The following EPG5 variants were observed in gnomAD, a reference collection of about 807,000 sequenced individuals.
EPG5 encodes the protein ectopic P-granules 5 autophagy tethering factor.
A neutral mutation model predicts 302.7 loss-of-function variants in EPG5; 159 were observed. The ratio of observed to expected loss-of-function variants is 0.53; its 90% CI spans 0.46 to 0.60. The LOEUF (loss-of-function observed/expected upper bound fraction) is 0.60, where lower values mean the gene tolerates loss of function less well. Among genes scored for constraint, EPG5 ranks in the 20% least tolerant of loss-of-function variants. The pLI is 0.00. For missense variants in EPG5, 2,896 were observed against 3,092.4 expected, an observed-to-expected ratio of 0.94 and a Z score of 1.51; for synonymous variants, 1,158 against 1,136.8, an observed-to-expected ratio of 1.02 and a Z score of -0.37.
chr18:45,857,641 T>G (rs569392635), intron 42 of EPG5: 15 of 525,558 alleles, frequency 2.9e-5, no homozygotes, highest in African/African-American at 2.8e-4. Flanking sequence ...AATTGAAAAT[T>G]TTTTTTAAAG....
downstream of EPG5, among the ~76,000 whole-genome samples, chr18:45,847,223 G>C (rs2145109114): frequency 6.6e-6 from 1 of 152,304 alleles, no homozygotes; most frequent in Non-Finnish European, 1.5e-5. Context: ...TAACACTAAA[G>C]AGAACTCCCT....
At chr18:45,814,482 G>A in the EPG5 span, among the ~76,000 whole-genome samples, 1 of 152,226 alleles carries the variant, frequency 6.6e-6, no homozygotes, top group Non-Finnish European at 1.5e-5. Flanking sequence ...ACAGTTGGCA[G>A]ATTTTGTATA....
chr18:45,879,027 G>A lies in EPG5; in HGVS notation c.5855C>T (p.Ala1952Val). ...AAGTATATTACCTGTTTTCCTGCTG[G>A]CAGTTGGGTCTTGGGCCAAACAGGT... ...EMTCLAQDPT[A>V]SRKTVLKSLH... The change falls in exon 33 of 44, where the codon GCC becomes GTC. Residue 1952 changes from alanine (A) to valine (V), a missense_variant. Around this residue, in one of 5 missense-constraint regions of EPG5, gnomAD observed 790 missense variants for 798.0 expected, o/e 0.99. Transcript: ENST00000282041. 3.7e-6 allele frequency: 6 copies of A among 1,613,954 alleles called. No homozygotes were observed. Among genetic ancestry groups the A allele is most frequent in the Non-Finnish European group, 5.1e-6 (6 of 1,179,870 alleles).
chr18:45,946,091 T>A (rs2050780167), intron 7 of EPG5, among the ~76,000 whole-genome samples: 1 of 152,182 alleles, frequency 6.6e-6, no homozygotes, highest in Admixed American at 6.5e-5. Context: ...CTAATCACAA[T>A]GACTATAGTA....
chr18:45,946,650 T>C lies in EPG5; in HGVS notation c.1677+13A>G. 3 of 1,589,166 alleles carry C rather than the reference T, an allele frequency of 1.9e-6. No individual in the cohort carries two copies. The highest frequency in any genetic ancestry group is 2.6e-6 in the Non-Finnish European group (3 of 1,157,542). ...CAATGATTCATCAAAATAATGCAGA[T>C]ATGACAAGTTACCTCTTCTCCTCCT... On this transcript the variant is annotated intron_variant, in intron 7 of 43. Coordinates refer to ENST00000282041, the MANE Select transcript of EPG5 (RefSeq NM_020964.3).
At chr18:45,925,671 C>G (rs2145781688) in intron 14 of EPG5, 67 bp downstream of exon 14, 1 of 1,278,412 alleles carries the variant, frequency 7.8e-7, no homozygotes, top group Admixed American at 3.0e-5. Flanking sequence ...AGTGTTTTGA[C>G]AAAATCCTTC....
At chr18:45,870,780 G>C (rs375229258) in intron 35 of EPG5, 38 bp from the exon 36 acceptor site, 4 of 1,242,034 alleles carry the variant, frequency 3.2e-6, no homozygotes, top group Non-Finnish European at 3.3e-6. Flanking sequence ...AAGACCTTTG[G>C]TTTACCTTAA....
chr18:45,940,442 G>A (rs1599619533), intron 9 of EPG5, among the ~76,000 whole-genome samples: 1 of 152,166 alleles, frequency 6.6e-6, no homozygotes, highest in African/African-American at 2.4e-5. Context: ...AGAATACACT[G>A]AGGTGGGGAA....
the EPG5 span, chr18:45,838,936 G>A: frequency 6.2e-7 from 1 of 1,604,420 alleles, no homozygotes; most frequent in East Asian, 2.2e-5. Flanking sequence ...CACGTGTACG[G>A]CCGCCAACAG....
At chr18:45,845,813 A>T (rs1568084394), downstream of EPG5, among the ~76,000 whole-genome samples, 1 of 152,192 alleles carries the variant, frequency 6.6e-6, no homozygotes, top group African/African-American at 2.4e-5. Context: ...CAGCAGTGAG[A>T]GGAAGTGGCC....
chr18:45,883,011 A>AC (rs1303846466), intron 30 of EPG5, among the ~76,000 whole-genome samples: 1 of 143,446 alleles, frequency 7.0e-6, no homozygotes, highest in Non-Finnish European at 1.5e-5. Context: ...GCGTCTCACA[A>AC]CAAAAAAAAA....
the EPG5 span, among the ~76,000 whole-genome samples, chr18:45,819,098 T>C: frequency 3.3e-5 from 5 of 152,228 alleles, no homozygotes; most frequent in Middle Eastern, 3.2e-3. Flanking sequence ...CAAAACCTTA[T>C]GGTTTCTGGG....
chr18:45,845,005 T>C (rs2048353027), downstream of EPG5, among the ~76,000 whole-genome samples: 1 of 152,262 alleles, frequency 6.6e-6, no homozygotes, highest in Non-Finnish European at 1.5e-5. Flanking sequence ...AGTATCATTT[T>C]ACAGTCCGTA....
Position 45,882,414 on chromosome 18 carries a change from T to C in EPG5, c.5378A>G (p.His1793Arg). ...SDRTRLLESI[H>R]LALTAWGLEP... The stretch of plus-strand genomic sequence containing the variant: ...AAGGCCCCAGGCAGTAAGTGCCAAG[T>C]GAATGGACTCCAGAAGCCTGGTACG... The change falls in exon 31 of 44, where the codon CAC (histidine) becomes CGC (arginine). Residue 1793 changes from histidine to arginine, a missense_variant. Coordinates refer to ENST00000282041, the MANE Select transcript of EPG5 (RefSeq NM_020964.3). The C allele has an allele frequency of 6.2e-7, 1 of 1,614,108 alleles. No homozygotes were observed. Among genetic ancestry groups the C allele is most frequent in the Non-Finnish European group, 8.5e-7 (1 of 1,180,024 alleles).
chr18:45,851,192 T>C lies in EPG5; in HGVS notation c.*1275A>G, dbSNP rs1476627550. On this transcript the variant is annotated 3_prime_UTR_variant, in exon 44 of 44. Transcript: ENST00000282041. ...AACATTCTTGGTGGCTGTTTAGACATTTTTAGGTAAATATTCTCAGGCTAC... is the reference window on the plus strand; with the variant it reads ...AACATTCTTGGTGGCTGTTTAGACACTTTTAGGTAAATATTCTCAGGCTAC... 6.6e-6 allele frequency: 1 copy of C among 152,208 alleles called. No homozygotes were observed. The highest frequency in any genetic ancestry group is 2.4e-5 in the African/African-American group (1 of 41,436). 9.4% of individuals were successfully genotyped at this position (152,208 alleles called of 1,614,324 possible). A position where few individuals can be genotyped will look rare whatever the true frequency, so the allele number is the denominator to read the frequency against.
rs1307579944 is a variant in EPG5 at position 45,878,438 on chromosome 18, G to A, written c.5880C>T (p.Ser1960=). The A allele has an allele frequency of 6.2e-7, 1 of 1,610,846 alleles. No individual in the cohort carries two copies. The highest frequency in any genetic ancestry group is 1.7e-5 in the Admixed American group (1 of 59,930). The change falls in exon 34 of 44, where the codon TCC becomes TCT. Residue 1960 remains serine (S), a synonymous_variant. Transcript: ENST00000282041. ...PTASRKTVLK[S]LHSVIIQLFK... ...AGAGCTGAATGATTACTGAATGTAG[G>A]GATTTCAGCACTAAAAAGTTTTAGA...
At chr18:45,831,102 G>C in the EPG5 span, among the ~76,000 whole-genome samples, 3 of 152,020 alleles carry the variant, frequency 2.0e-5, no homozygotes, top group African/African-American at 7.3e-5. Flanking sequence ...CTGGAGCCCC[G>C]GACAGACCCC....
intron 12 of EPG5, among the ~76,000 whole-genome samples, chr18:45,929,216 A>C (rs1474009164): frequency 6.6e-6 from 1 of 152,228 alleles, no homozygotes; most frequent in Non-Finnish European, 1.5e-5. Context: ...AGAGAATGGC[A>C]ACTTCTTATA....
At chr18:45,809,629 C>A in the EPG5 span, among the ~76,000 whole-genome samples, 1 of 152,122 alleles carries the variant, frequency 6.6e-6, no homozygotes, top group Non-Finnish European at 1.5e-5. Context: ...ATCATTGGGT[C>A]AGAAGTGAAA....
Sources: allele counts gnomAD v4.1 joint callset (sites outside exome capture counted in the v4.1 genomes callset), GRCh38; gene constraint gnomAD v4.1.1; regional missense constraint gnomAD v4.1.1; transcripts MANE v1.5; gene names NCBI Gene and HGNC (gene_info 2026-07-23, HGNC 2026-07-21).